The following MATR3 variants were observed in gnomAD, a reference collection of about 807,000 sequenced individuals.
MATR3 encodes the protein matrin 3, also known as matrin-3.
MATR3 carries 4 observed loss-of-function variants against 85.5 expected under a neutral mutation model. The observed-to-expected ratio is 0.05, with a 90% CI of 0.02 to 0.11. The LOEUF is 0.11. Ranked by LOEUF, MATR3 falls within the 10% of genes least tolerant of loss-of-function variation. The pLI is 1.00. For missense variants in MATR3, 685 were observed against 1,016.1 expected, an observed-to-expected ratio of 0.67 and a Z score of 4.43; for synonymous variants, 336 against 343.1, an observed-to-expected ratio of 0.98 and a Z score of 0.23.
intron 1 of MATR3, 161 bp downstream of exon 1, chr5:139,293,966 T>A (rs955705259): frequency 4.0e-6 from 5 of 1,260,310 alleles, no homozygotes; most frequent in African/African-American, 1.5e-5. Flanking sequence ...GTGAGCCGCC[T>A]GATCGGCGGC....
rs553096974 is a variant in MATR3, at chr5:139,329,664, C to A, written c.*269C>A. The A allele has an allele frequency of 2.0e-6, 1 of 496,280 alleles. No individual in the cohort carries two copies. The highest frequency in any genetic ancestry group is 3.9e-6 in the Non-Finnish European group (1 of 255,682). 30.7% of individuals were successfully genotyped at this position (496,280 alleles called of 1,614,324 possible). On this transcript the variant is annotated 3_prime_UTR_variant, in exon 15 of 15. Transcript: ENST00000394805. ...TGACTTCCTAAGCTACTTAAGACAACTTGCACCACTAAGAAAAAAATGTAG... is the reference window on the plus strand; with the variant it reads ...TGACTTCCTAAGCTACTTAAGACAAATTGCACCACTAAGAAAAAAATGTAG...
At chr5:139,326,422 C>A in intron 14 of MATR3, 138 bp downstream of exon 14, 7 of 537,470 alleles carry the variant, frequency 1.3e-5, no homozygotes, top group Non-Finnish European at 2.1e-5. Context: ...TTTTTATTTA[C>A]TTTTTTTTTT....
At chr5:139,318,447 G>A (rs1033727211) in intron 7 of MATR3, among the ~76,000 whole-genome samples, 11 of 151,546 alleles carry the variant, frequency 7.3e-5, no homozygotes, top group African/African-American at 2.7e-4. Flanking sequence ...ATTTTTGTTC[G>A]TTTGTTTTTG....
intron 3 of MATR3, among the ~76,000 whole-genome samples, chr5:139,287,452 C>G (rs1753740389): frequency 6.6e-6 from 1 of 151,590 alleles, no homozygotes; most frequent in Admixed American, 6.6e-5. Flanking sequence ...AACCCCATCT[C>G]TACTAAAAGT....
intron 5 of MATR3, 94 bp from the exon 6 acceptor site, chr5:139,316,959 C>T (rs1281778202): frequency 2.1e-6 from 2 of 947,970 alleles, no homozygotes; most frequent in East Asian, 2.5e-5. Flanking sequence ...AAGAGCTTTT[C>T]ATTTGTGTTT....
chr5:139,309,599 A>G (rs779082374), intron 2 of MATR3, among the ~76,000 whole-genome samples: 3 of 152,296 alleles, frequency 2.0e-5, no homozygotes, highest in Non-Finnish European at 2.9e-5. Flanking sequence ...GTAAATTAAC[A>G]TAAATGCTAA....
chr5:139,324,877 C>A (rs1379263157), intron 12 of MATR3, among the ~76,000 whole-genome samples: 2 of 152,186 alleles, frequency 1.3e-5, no homozygotes, highest in Non-Finnish European at 2.9e-5. Flanking sequence ...GAAGAAGTTA[C>A]TATTTTGAGC....
Position 139,280,997 on chromosome 5 carries a change from G to A in MATR3, c.-178+1868G>A, listed in dbSNP as rs1581200029. Among the ~76,000 whole-genome samples the A allele has an allele frequency of 2.0e-5, 3 of 151,512 alleles. No individual in the cohort carries two copies. The East Asian group carries it at 5.8e-4, about 29-fold the overall frequency. Reference sequence around the variant, plus strand: ...AGCAAAGAAATATATTTCCTGGTGAGTCTAAGAAGATTAGTTTTTAAAATC... The same window carrying A: ...AGCAAAGAAATATATTTCCTGGTGAATCTAAGAAGATTAGTTTTTAAAATC... On this transcript the variant is annotated intron_variant, in intron 3 of 16. Coordinates refer to ENST00000509990, the Ensembl canonical transcript of MATR3.
chr5:139,297,948 GGA>G (rs1239655269), intron 1 of MATR3, among the ~76,000 whole-genome samples: 2 of 151,928 alleles, frequency 1.3e-5, no homozygotes, highest in Admixed American at 6.5e-5. Flanking sequence ...CTGTGGAGAA[GGA>G]GAGAGTAGTT....
intron 6 of MATR3, 61 bp downstream of exon 6, chr5:139,317,166 A>G (rs1423939089): frequency 2.7e-6 from 4 of 1,487,032 alleles, no homozygotes; most frequent in Non-Finnish European, 1.9e-6. Context: ...GATTTGACCT[A>G]AATCCTTACT....
intron 2 of MATR3, chr5:139,311,541 T>C: frequency 6.6e-6 from 1 of 152,160 alleles, no homozygotes; most frequent in Non-Finnish European, 1.5e-5. Context: ...AGACACACTT[T>C]TCCCCTAAGT....
chr5:139,292,617 G>C (rs1279751301), upstream of MATR3, among the ~76,000 whole-genome samples: 1 of 152,162 alleles, frequency 6.6e-6, no homozygotes, highest in Non-Finnish European at 1.5e-5. Context: ...GTGGTCTTTA[G>C]GAAGGAAAAG....
In MATR3 at chr5:139,322,791, C is replaced by T. The variant is rs745805004; in HGVS notation, c.1972C>T (p.Leu658=). Residue 658 remains leucine (L), a synonymous_variant, in exon 12 of 15, where the codon CTA becomes TTA. Coordinates refer to ENST00000394805, the MANE Select transcript of MATR3 (RefSeq NM_018834.6). ...PNMLLESEDE[L]LVDEEEAAAL... ...TATGCTTCTTGAATCTGAAGATGAG[C>T]TACTTGTAGATGAAGAAGAAGCAGC... The T allele has an allele frequency of 3.1e-6, 5 of 1,614,102 alleles. No homozygotes were observed. Among genetic ancestry groups the T allele is most frequent in the Non-Finnish European group, 3.4e-6 (4 of 1,180,028 alleles).
At chr5:139,286,768 T>C (rs1375881742) in intron 3 of MATR3, among the ~76,000 whole-genome samples, 7 of 150,686 alleles carry the variant, frequency 4.6e-5, no homozygotes, top group Non-Finnish European at 1.5e-5. Context: ...TGCTTGAACC[T>C]GGGAGGCGGA....
At chr5:139,281,979 T>A (rs2151876239) in intron 3 of MATR3, among the ~76,000 whole-genome samples, 1 of 152,320 alleles carries the variant, frequency 6.6e-6, no homozygotes, top group Non-Finnish European at 1.5e-5. Flanking sequence ...TCAGTGGGAT[T>A]TTATGTTGAA....
intron 2 of MATR3, among the ~76,000 whole-genome samples, chr5:139,277,362 T>C (rs1439036862): frequency 1.3e-5 from 2 of 152,058 alleles, no homozygotes; most frequent in African/African-American, 4.8e-5. Context: ...AAAAGTGACA[T>C]ACTAGTTTCC....
intron 1 of MATR3, among the ~76,000 whole-genome samples, chr5:139,304,569 T>C (rs1754614900): frequency 6.6e-6 from 1 of 151,528 alleles, no homozygotes; most frequent in South Asian, 2.1e-4. Flanking sequence ...AAATTGTGGG[T>C]AATGTTGATA....
intron 12 of MATR3, among the ~76,000 whole-genome samples, chr5:139,323,497 A>G (rs1481189628): frequency 6.6e-6 from 1 of 152,248 alleles, no homozygotes; most frequent in Non-Finnish European, 1.5e-5. Context: ...ATATAAAAAT[A>G]CACACATGCT....
At chr5:139,295,739 G>T (rs1310389594) in intron 1 of MATR3, among the ~76,000 whole-genome samples, 2 of 152,176 alleles carry the variant, frequency 1.3e-5, no homozygotes, top group African/African-American at 4.8e-5. Flanking sequence ...TAATTTTATA[G>T]AAGAGAAGGT....
Sources: gnomAD v4.1 joint callset for allele counts (sites outside exome capture counted in the v4.1 genomes callset) on GRCh38, gnomAD v4.1.1 for gene constraint, MANE v1.5 for transcripts, NCBI Gene and HGNC (gene_info 2026-07-23, HGNC 2026-07-21) for gene names.